The following PRR5 variants were observed in gnomAD, a reference collection of about 807,000 sequenced individuals.
PRR5 encodes proline rich 5, also known as proline-rich protein 5.
Under a neutral mutation model 30.6 loss-of-function variants are expected in PRR5, and 25 were observed. The observed-to-expected ratio is 0.82, with a 90% confidence interval of 0.60 to 1.14. The LOEUF is 1.14. Among genes scored for constraint, PRR5 ranks in the 50% most tolerant of loss-of-function variants. The pLI is 0.00. For missense variants in PRR5, 600 were observed against 547.1 expected (o/e 1.10, Z -0.96); for synonymous variants, 286 against 247.1 (o/e 1.16, Z -1.48).
chr22:44,681,778 G>T (rs1294901222), intron 1 of PRR5, among the ~76,000 whole-genome samples: 1 of 152,182 alleles, frequency 6.6e-6, no homozygotes, highest in Non-Finnish European at 1.5e-5. Context: ...CCTGTGCCTT[G>T]TGTAGCTGTG....
chr22:44,735,085 A>C lies in PRR5; in HGVS notation c.614A>C (p.Gln205Pro), dbSNP rs1302957524. 1 of 1,611,978 alleles carries C rather than the reference A, an allele frequency of 6.2e-7. No individual in the cohort carries two copies. The highest frequency in any genetic ancestry group is 1.1e-5 in the South Asian group (1 of 91,058). ...EDYLRLETLV[Q>P]KVVSPYLGTY... Reference sequence around the variant, plus strand: ...TACCTGCGCCTGGAGACGCTGGTCCAGAAGGTGGTGTCGCCATACCTGGGC... The same window carrying C: ...TACCTGCGCCTGGAGACGCTGGTCCCGAAGGTGGTGTCGCCATACCTGGGC... The change falls in exon 7 of 8, where the codon CAG (glutamine) becomes CCG (proline). Residue 205 changes from glutamine (Q) to proline (P), a missense_variant. Physicochemically the swap from Gln to Pro is moderately conservative, Grantham distance 76. Coordinates refer to ENST00000336985, the MANE Select transcript of PRR5 (RefSeq NM_181333.4).
At chr22:44,733,898 T>C (rs1329982010) in intron 6 of PRR5, among the ~76,000 whole-genome samples, 1 of 152,196 alleles carries the variant, frequency 6.6e-6, no homozygotes, top group Non-Finnish European at 1.5e-5. Context: ...CCTCACTCCC[T>C]GCCTGGAGTG....
chr22:44,716,542 A>T (rs964711679), intron 2 of PRR5, among the ~76,000 whole-genome samples: 2 of 152,252 alleles, frequency 1.3e-5, no homozygotes, highest in South Asian at 2.1e-4. Flanking sequence ...AAAGTAAATT[A>T]AAAAAATACT....
chr22:44,687,546 T>A (rs775365230), intron 1 of PRR5, among the ~76,000 whole-genome samples: 11 of 152,190 alleles, frequency 7.2e-5, no homozygotes, highest in Non-Finnish European at 1.5e-4. Context: ...ACAAGTTTTC[T>A]TGTCATCTCT....
At chr22:44,672,648 C>T (rs570776157), upstream of PRR5, among the ~76,000 whole-genome samples, 7 of 152,302 alleles carry the variant, frequency 4.6e-5, no homozygotes, top group East Asian at 1.4e-3. Flanking sequence ...GCACAGAGGG[C>T]ATTGCTGTCC....
chr22:44,695,955 G>A (rs1223775653), intron 1 of PRR5, among the ~76,000 whole-genome samples: 2 of 60,094 alleles, frequency 3.3e-5, no homozygotes, highest in African/African-American at 1.3e-4. Flanking sequence ...TTTTGATACA[G>A]AGTCCCTCTC....
intron 2 of PRR5, among the ~76,000 whole-genome samples, chr22:44,722,900 G>A (rs1255262353): frequency 6.6e-6 from 1 of 152,148 alleles, no homozygotes; most frequent in South Asian, 2.1e-4. Flanking sequence ...ACAGTGCAGG[G>A]CTTCCAAAAT....
At chr22:44,668,853 G>A (rs1206779242) in intron 1 of PRR5, 1 of 149,452 alleles carries the variant, frequency 6.7e-6, no homozygotes, top group African/African-American at 2.4e-5. Context: ...AGGGGACCGG[G>A]TGGCTGGGGT....
At chr22:44,734,914 G>C in intron 6 of PRR5, 113 bp from the exon 7 acceptor site, 1 of 1,384,324 alleles carries the variant, frequency 7.2e-7, no homozygotes, top group Non-Finnish European at 9.9e-7. Flanking sequence ...TGTGGGAATG[G>C]GGAGGCGGGA....
intron 1 of PRR5, among the ~76,000 whole-genome samples, chr22:44,695,103 A>G (rs1489949689): frequency 6.6e-6 from 1 of 152,036 alleles, no homozygotes; most frequent in Admixed American, 6.6e-5. Context: ...CCCAGGAGGC[A>G]GAGGTTGCAG....
At chr22:44,683,410 C>T (rs992158216) in intron 1 of PRR5, among the ~76,000 whole-genome samples, 2 of 152,238 alleles carry the variant, frequency 1.3e-5, no homozygotes, top group Non-Finnish European at 2.9e-5. Flanking sequence ...TGCCTTGGCC[C>T]CCACCCCATC....
intron 1 of PRR5, 69 bp from the exon 2 acceptor site, chr22:44,714,521 TG>T: frequency 6.3e-7 from 1 of 1,584,030 alleles, no homozygotes; most frequent in East Asian, 2.2e-5. Flanking sequence ...GAAAGAGGAA[TG>T]GGGCCTGATG....
intron 1 of PRR5, among the ~76,000 whole-genome samples, chr22:44,688,624 A>C (rs1333860936): frequency 1.3e-5 from 2 of 152,136 alleles, no homozygotes; most frequent in African/African-American, 4.8e-5. Context: ...CTGTCACTCC[A>C]TATGTGTAAC....
Position 44,735,466 on chromosome 22 carries a change from G to A in PRR5, c.691+304G>A, listed in dbSNP as rs183914049. On this transcript the variant is annotated intron_variant, in intron 7 of 7. Transcript: ENST00000336985. ...CAGAAGTGGGCCAGGCGGAGTGCTC[G>A]GAACATGCAAATGCCGAAGCTTGAG... 2.2e-3 allele frequency among the ~76,000 whole-genome samples: 338 copies of A among 152,304 alleles called. 5 individuals are homozygous for A. The highest frequency in any genetic ancestry group is 7.1e-4 in the Non-Finnish European group (48 of 68,022).
chr22:44,711,438 G>C (rs892039621), intron 1 of PRR5, among the ~76,000 whole-genome samples: 4 of 152,108 alleles, frequency 2.6e-5, no homozygotes, highest in Non-Finnish European at 5.9e-5. Context: ...CCAGACCCAA[G>C]AGGGCCACAG....
At chr22:44,699,103 A>G (rs1926025121), upstream of PRR5, among the ~76,000 whole-genome samples, 1 of 152,132 alleles carries the variant, frequency 6.6e-6, no homozygotes. Context: ...CTGACTAGAG[A>G]TGCCTTTTTT....
intron 1 of PRR5, among the ~76,000 whole-genome samples, chr22:44,671,409 G>T (rs575458921): frequency 6.6e-6 from 1 of 151,872 alleles, no homozygotes; most frequent in Non-Finnish European, 1.5e-5. Context: ...TGGGGAGCAC[G>T]TGGTGGCACG....
chr22:44,729,866 C>T (rs1048357342), intron 4 of PRR5: 5 of 985,368 alleles, frequency 5.1e-6, no homozygotes, highest in Non-Finnish European at 6.0e-6. Flanking sequence ...GAGCCACCCC[C>T]CGGCCAGCCC....
At chr22:44,702,924 T>A (rs1190094314) in intron 1 of PRR5, among the ~76,000 whole-genome samples, 1 of 152,190 alleles carries the variant, frequency 6.6e-6, no homozygotes, top group Non-Finnish European at 1.5e-5. Flanking sequence ...TTTCCACGTC[T>A]CCACTGCGGT....
Sources: allele counts gnomAD v4.1 joint callset (sites outside exome capture counted in the v4.1 genomes callset), GRCh38; gene constraint gnomAD v4.1.1; transcripts MANE v1.5; gene names NCBI Gene and HGNC (gene_info 2026-07-23, HGNC 2026-07-21).